The following CCSER1 variants were observed in gnomAD, a reference collection of about 807,000 sequenced individuals.
CCSER1 encodes serine-rich coiled-coil domain-containing protein 1.
CCSER1 carries 41 observed loss-of-function variants against 82.0 expected under a neutral mutation model. The ratio of observed to expected loss-of-function variants is 0.50; its 90% CI spans 0.39 to 0.65. CCSER1 has a LOEUF of 0.65. Ranked by LOEUF, CCSER1 falls within the 30% of genes least tolerant of loss-of-function variation. The pLI, the probability that CCSER1 is intolerant of heterozygous loss-of-function variation, is 0.00. For missense variants in CCSER1, 1,119 were observed against 1,064.2 expected (o/e 1.05, Z -0.72); for synonymous variants, 414 against 383.9 (o/e 1.08, Z -0.92).
chr4:90,810,080 A>G (rs1357656104), intron 7 of CCSER1, among the ~76,000 whole-genome samples: 2 of 152,130 alleles, frequency 1.3e-5, no homozygotes, highest in Non-Finnish European at 2.9e-5. Context: ...ACTGCTGTTT[A>G]TACTGCTTAT....
chr4:90,153,408 G>T (rs1448160663), intron 1 of CCSER1, among the ~76,000 whole-genome samples: 2 of 152,056 alleles, frequency 1.3e-5, no homozygotes, highest in Non-Finnish European at 2.9e-5. Flanking sequence ...CCCAGTAATG[G>T]GATGGCTGGG....
chr4:90,128,426 A>C (rs1056160085), intron 1 of CCSER1, among the ~76,000 whole-genome samples: 1 of 152,144 alleles, frequency 6.6e-6, no homozygotes. Flanking sequence ...CAGAGGCAGC[A>C]GTAACGGCAG....
chr4:91,480,509 G>C (rs1922227), intron 10 of CCSER1, among the ~76,000 whole-genome samples: 125,272 of 152,208 alleles, frequency 0.82, 51,861 homozygotes, highest in East Asian at 0.93. Context: ...ACTTGCTCCA[G>C]TATGGCAAAC....
In CCSER1 at chr4:91,598,686, T is replaced by A. The variant is rs1313152231; in HGVS notation, c.2332T>A (p.Tyr778Asn). 1.9e-6 allele frequency: 3 copies of A among 1,551,282 alleles called. No homozygotes were observed. In the African/African-American group the frequency reaches 4.1e-5, roughly 21 times the overall value. ...TTCGGCAGCGGACCAGACAAGCCCC[T>A]ACAAAAACAAGACCTGTCAACTCCC... Reference protein sequence around the residue: ...RYSAADQTSPYKNKTCQLPSL... With the variant: ...RYSAADQTSPNKNKTCQLPSL... Residue 778 changes from tyrosine to asparagine, a missense_variant, in exon 11 of 11, where the codon TAC becomes AAC. Coordinates refer to ENST00000509176, the MANE Select transcript of CCSER1 (RefSeq NM_001145065.2).
At chr4:90,794,659 C>G (rs11936409) in intron 7 of CCSER1, among the ~76,000 whole-genome samples, 52,829 of 151,772 alleles carry the variant, frequency 0.35, 9,530 homozygotes, top group African/African-American at 0.46. Context: ...CTTTTTTTTC[C>G]TTGTTCCATT....
At chr4:90,955,744 C>T (rs909641669) in intron 9 of CCSER1, among the ~76,000 whole-genome samples, 8 of 152,126 alleles carry the variant, frequency 5.3e-5, no homozygotes, top group African/African-American at 1.9e-4. Flanking sequence ...ATTACTGAAA[C>T]AAATTAAGTC....
chr4:90,314,837 CTTTTTTTTT>C lies in CCSER1; in HGVS notation c.1509+1809_1509+1817del, dbSNP rs765931168. On this transcript the variant is annotated intron_variant, in intron 3 of 10. Transcript: ENST00000509176. ...CACAAAGTCACTCTTCTCAGATTTA[CTTTTTTTTT>C]TTTTTTTTTTTTTTTTTTGAGACAG... Among the ~76,000 whole-genome samples, 16 of 87,600 alleles carry C rather than the reference CTTTTTTTTT, an allele frequency of 1.8e-4. 2 individuals are homozygous for C. The South Asian group carries it at 2.6e-3, about 14-fold the overall frequency. The allele number at this position is 87,600 out of a possible 152,430, so 57.5% of individuals were successfully genotyped here.
chr4:90,691,587 A>G (rs72661867), intron 6 of CCSER1, among the ~76,000 whole-genome samples: 18 of 108,630 alleles, frequency 1.7e-4, no homozygotes, highest in Admixed American at 4.8e-4. Context: ...AATGCATGTG[A>G]ATATATCACA....
In CCSER1 at chr4:90,130,015, G is replaced by A. The variant is rs537831190; in HGVS notation, c.-42+2184G>A. Among the ~76,000 whole-genome samples the A allele has an allele frequency of 3.3e-5, 5 of 152,224 alleles. No homozygotes were observed. The South Asian group carries it at 1.0e-3, about 32-fold the overall frequency. On this transcript the variant is annotated intron_variant, in intron 1 of 10. Coordinates refer to ENST00000509176, the MANE Select transcript of CCSER1 (RefSeq NM_001145065.2). ...TGTTTTTTGACAGTTAAGAGAATCA[G>A]CAACTGTTTATTATTTTAAAGATAC...
chr4:90,531,307 A>G (rs1473964578), intron 5 of CCSER1, among the ~76,000 whole-genome samples: 1 of 152,036 alleles, frequency 6.6e-6, no homozygotes, highest in Non-Finnish European at 1.5e-5. Context: ...TAAAGACCTT[A>G]AAAATCTCAA....
At chr4:90,628,724 T>G (rs1723791179) in intron 6 of CCSER1, among the ~76,000 whole-genome samples, 1 of 152,180 alleles carries the variant, frequency 6.6e-6, no homozygotes, top group Non-Finnish European at 1.5e-5. Context: ...AGGAATGTAG[T>G]TGCCCTCCCC....
At chr4:90,537,925 AT>A (rs1353327786) in intron 5 of CCSER1, among the ~76,000 whole-genome samples, 2 of 151,552 alleles carry the variant, frequency 1.3e-5, no homozygotes, top group Non-Finnish European at 2.9e-5. Context: ...TTCTCTCACC[AT>A]TTTTTCTCTT....
chr4:91,472,435 A>G (rs1456046745), intron 10 of CCSER1, among the ~76,000 whole-genome samples: 1 of 152,224 alleles, frequency 6.6e-6, no homozygotes, highest in East Asian at 1.9e-4. Flanking sequence ...GTATCAATCA[A>G]TAGTAAACCC....
intron 4 of CCSER1, among the ~76,000 whole-genome samples, chr4:90,402,027 C>G (rs528644536): frequency 2.6e-5 from 4 of 152,314 alleles, no homozygotes; most frequent in African/African-American, 9.6e-5. Flanking sequence ...TCACCCCTTC[C>G]TATCCCCGTC....
chr4:90,546,923 C>T (rs1414511755), intron 5 of CCSER1, among the ~76,000 whole-genome samples: 1 of 151,946 alleles, frequency 6.6e-6, no homozygotes, highest in Non-Finnish European at 1.5e-5. Flanking sequence ...AAGCAGAACA[C>T]TAGATTTAAA....
At chr4:91,530,012 T>C (rs1292243263) in intron 10 of CCSER1, among the ~76,000 whole-genome samples, 1 of 152,122 alleles carries the variant, frequency 6.6e-6, no homozygotes. Context: ...CTTGTGCAGA[T>C]TTTTCAGAAA....
chr4:90,383,272 CACAGT>C, intron 3 of CCSER1, among the ~76,000 whole-genome samples: 1 of 152,092 alleles, frequency 6.6e-6, no homozygotes, highest in Admixed American at 6.5e-5. Context: ...TTTGAAACAG[CACAGT>C]AAAGTATCAT....
At chr4:91,107,834 G>C (rs1725776530) in intron 10 of CCSER1, among the ~76,000 whole-genome samples, 1 of 152,084 alleles carries the variant, frequency 6.6e-6, no homozygotes, top group African/African-American at 2.4e-5. Context: ...TAGAATTAAG[G>C]TTGGGCAGTG....
chr4:91,592,423 G>A (rs1452830808), intron 10 of CCSER1, among the ~76,000 whole-genome samples: 2 of 152,086 alleles, frequency 1.3e-5, no homozygotes, highest in Non-Finnish European at 2.9e-5. Context: ...CCTGGGTACT[G>A]TAATGGGCAG....
Sources: allele counts gnomAD v4.1 joint callset (sites outside exome capture counted in the v4.1 genomes callset), GRCh38; gene constraint gnomAD v4.1.1; transcripts MANE v1.5; gene names NCBI Gene and HGNC (gene_info 2026-07-23, HGNC 2026-07-21).